The following ZAN variants were observed in gnomAD, a reference collection of about 807,000 sequenced individuals.
ZAN encodes the protein zonadhesin.
In ZAN, 260 loss-of-function variants were observed where a neutral mutation model predicts 286.2. The observed-to-expected ratio is 0.91, with a 90% CI of 0.82 to 1.01. The LOEUF (loss-of-function observed/expected upper bound fraction) is 1.01. Ranked by LOEUF, ZAN falls within the 50% of genes least tolerant of loss-of-function variation. ZAN has a pLI of 0.00. For missense variants in ZAN, 3,410 were observed against 3,639.2 expected (o/e 0.94, Z 1.62); for synonymous variants, 1,368 against 1,417.5 (o/e 0.97, Z 0.79).
chr7:100,738,562 T>C lies in ZAN; in HGVS notation c.715T>C (p.Ser239Pro). ...SGAKWTQKKG[S>P]SGKPGVGPDG... ...GGCCAAGTGGACTCAGAAGAAAGGG[T>C]CATCAGGAAAGCCAGGCGTGGGGCC... The change falls in exon 7 of 48, where the codon TCA becomes CCA. Residue 239 changes from serine to proline, a missense_variant. Physicochemically the swap from Ser to Pro is moderately conservative, Grantham distance 74. This residue lies in a region of ZAN where 872 missense variants were observed against 938.9 expected (regional missense o/e 0.93). Transcript: ENST00000613979. 6.6e-7 allele frequency: 1 copy of C among 1,515,884 alleles called. No individual in the cohort carries two copies. Among genetic ancestry groups the C allele is most frequent in the East Asian group, 2.3e-5 (1 of 43,710 alleles). 93.9% of individuals were successfully genotyped at this position (1,515,884 alleles called of 1,614,324 possible).
chr7:100,750,569 C>T, intron 11 of ZAN, 56 bp from the exon 12 acceptor site: 1 of 1,570,820 alleles, frequency 6.4e-7, no homozygotes, highest in Non-Finnish European at 8.7e-7. Context: ...GCTAAAGCAG[C>T]AGTTGGCATG....
At position 100,750,727 on chromosome 7, in the gene ZAN, A is replaced by T; in HGVS notation, c.1352A>T (p.Glu451Val). ...TGCGCCCCAGGTGACATCTGCGTGG[A>T]GTTCGCATACCACATGTATGGCCTT... ...PFCAPGDICV[E>V]FAYHMYGLGE... The change falls in exon 12 of 48, where the codon GAG becomes GTG. Residue 451 changes from glutamate (E) to valine (V), a missense_variant. By Grantham distance (121) the Glu-to-Val change is moderately radical. Coordinates refer to ENST00000613979, the MANE Select transcript of ZAN (RefSeq NM_003386.3). 6.2e-7 allele frequency: 1 copy of T among 1,613,068 alleles called. No homozygotes were observed. Among genetic ancestry groups the T allele is most frequent in the Non-Finnish European group, 8.5e-7 (1 of 1,179,584 alleles).
chr7:100,765,477 G>A lies in ZAN; in HGVS notation c.4393G>A (p.Gly1465Ser). The change falls in exon 23 of 48, where the codon GGC (glycine) becomes AGC (serine). Residue 1465 changes from glycine (G) to serine (S), a missense_variant. Gly to Ser is a moderately conservative substitution (Grantham distance 56). Around this residue, in one of 7 missense-constraint regions of ZAN, gnomAD observed 1,042 missense variants for 1,058.0 expected, o/e 0.98. Coordinates refer to ENST00000613979, the MANE Select transcript of ZAN (RefSeq NM_003386.3). ...CGTGGAGGCCTGTGAATGCAATCCG[G>A]GCTTCGTCCTCAGTGGCCTCGAGTG... ...RCVEACECNPGFVLSGLECIP... is the reference protein window; with the variant it reads ...RCVEACECNPSFVLSGLECIP... The A allele has an allele frequency of 6.2e-7, 1 of 1,613,252 alleles. No homozygotes were observed. Among genetic ancestry groups the A allele is most frequent in the South Asian group, 1.1e-5 (1 of 90,898 alleles).
Position 100,770,307 on chromosome 7 carries a change from A to G in ZAN, c.5248+333A>G, listed in dbSNP as rs113184811. Among the ~76,000 whole-genome samples the G allele has an allele frequency of 1.5e-4, 23 of 151,834 alleles. 1 individual carries two copies. Among genetic ancestry groups the G allele is most frequent in the African/African-American group, 5.3e-4 (22 of 41,452 alleles). On this transcript the variant is annotated intron_variant, in intron 28 of 47. Transcript: ENST00000613979. The stretch of plus-strand genomic sequence containing the variant: ...ATCCCGAGGTCAGGAGTTCGAGACC[A>G]GCCTGGCTAGCATGGTGAAACCCCG...
At position 100,763,888 on chromosome 7, in the gene ZAN, C is replaced by A; in HGVS notation, c.4069C>A (p.Arg1357=). The change falls in exon 21 of 48, where the codon CGG becomes AGG. Residue 1357 remains arginine, a synonymous_variant. Transcript: ENST00000613979. This position sits in a 1 kb window ranked among gnomAD's most constrained non-coding sequence, Gnocchi z 4.6. The part of the protein sequence containing the change: ...SSMSGPGFCG[R]LVDTHGPFET... Reference sequence around the variant, plus strand: ...CATGTCGGGGCCAGGGTTCTGTGGACGGCTGGTCGACACTCATGGCCCATT... The same window carrying A: ...CATGTCGGGGCCAGGGTTCTGTGGAAGGCTGGTCGACACTCATGGCCCATT... The A allele has an allele frequency of 2.5e-6, 4 of 1,614,006 alleles. No individual in the cohort carries two copies. The highest frequency in any genetic ancestry group is 3.4e-6 in the Non-Finnish European group (4 of 1,179,892).
Position 100,751,182 on chromosome 7 carries a change from C to G in ZAN, c.1522C>G (p.Leu508Val). ...CGTCTCTCTCCCTTGTCGCCTTTAG[C>G]TTATTTTCAAGGGCATCCAGGGAAG... ...VPSGHQQPMQ[L>V]IFKGIQGSNT... The change falls in exon 13 of 48, where the codon CTT (leucine) becomes GTT (valine). Residue 508 changes from leucine (L) to valine (V), a missense_variant and splice_region_variant. Leu to Val is a conservative substitution (Grantham distance 32). This residue lies in a region of ZAN where 872 missense variants were observed against 938.9 expected (regional missense o/e 0.93). Transcript: ENST00000613979. 2 of 1,601,292 alleles carry G rather than the reference C, an allele frequency of 1.2e-6. No individual in the cohort carries two copies. Among genetic ancestry groups the G allele is most frequent in the Non-Finnish European group, 8.5e-7 (1 of 1,175,400 alleles).
chr7:100,760,503 A>T lies in ZAN; in HGVS notation c.3809A>T (p.Asp1270Val). 6.2e-7 allele frequency: 1 copy of T among 1,613,886 alleles called. No homozygotes were observed. Residue 1270 changes from aspartate (D) to valine (V), a missense_variant, in exon 19 of 48, where the codon GAT (aspartate) becomes GTT (valine). This residue lies in a region of ZAN where 1,042 missense variants were observed against 1,058.0 expected (regional missense o/e 0.98). Transcript: ENST00000613979. ...GAGTTCGGTTTGCGGGTGAGATGGG[A>T]TGGTGACCAGCAGCTGTATGTTACT... is the stretch of plus-strand genomic sequence containing the variant. ...QTEFGLRVRW[D>V]GDQQLYVTVS...
At position 100,755,410 on chromosome 7, in the gene ZAN, G is replaced by A. The variant is rs557469328; in HGVS notation, c.3309G>A (p.Glu1103=). 24 of 1,612,498 alleles carry A rather than the reference G, an allele frequency of 1.5e-5. No homozygotes were observed. Among genetic ancestry groups the A allele is most frequent in the South Asian group, 1.3e-4 (12 of 90,934 alleles). ...CNCFYNNDYY[E]PGAEWFSPNC... ...GCTTCTACAACAACGACTACTATGA[G>A]GTAAGCCCCCCGGGATGCTGGGGTC... Residue 1103 remains glutamate (E), a splice_region_variant and synonymous_variant, in exon 15 of 48, where the codon GAG becomes GAA. Coordinates refer to ENST00000613979, the MANE Select transcript of ZAN (RefSeq NM_003386.3).
chr7:100,764,265 G>T (rs1245444541), intron 22 of ZAN, 69 bp downstream of exon 22: 18 of 1,432,968 alleles, frequency 1.3e-5, no homozygotes, highest in Non-Finnish European at 1.6e-5. Flanking sequence ...AGCACTTTGG[G>T]AGTCCGAGGC....
intron 24 of ZAN, 40 bp from the exon 25 acceptor site, chr7:100,766,970 T>C (rs1386399367): frequency 1.9e-6 from 3 of 1,607,814 alleles, no homozygotes; most frequent in South Asian, 1.1e-5. Context: ...TTCCGGGGCA[T>C]GGAGGAGTGA....
At chr7:100,782,556 C>T (rs1811259972) in intron 35 of ZAN, among the ~76,000 whole-genome samples, 1 of 152,156 alleles carries the variant, frequency 6.6e-6, no homozygotes, top group Non-Finnish European at 1.5e-5. Flanking sequence ...GTCTCAAACT[C>T]CTGGCCTCAA....
chr7:100,796,477 C>A (rs1016536108), intron 45 of ZAN, among the ~76,000 whole-genome samples: 2 of 139,946 alleles, frequency 1.4e-5, no homozygotes, highest in Admixed American at 8.1e-5. Context: ...AGTGCAGTGG[C>A]GTGATCTCGG....
intron 7 of ZAN, among the ~76,000 whole-genome samples, chr7:100,740,351 G>C (rs1398532458): frequency 9.2e-6 from 1 of 108,118 alleles, no homozygotes; most frequent in Non-Finnish European, 1.9e-5. Context: ...CTCACAGAGG[G>C]GGATTTGGCA....
chr7:100,779,773 C>T (rs750001122), intron 35 of ZAN, 23 bp downstream of exon 35: 31 of 1,534,690 alleles, frequency 2.0e-5, no homozygotes, highest in Non-Finnish European at 2.0e-5. Flanking sequence ...TGCTGTCACC[C>T]CAAACCCCTC....
chr7:100,790,329 G>A lies in ZAN; in HGVS notation c.7358-613G>A, dbSNP rs187418037. Among the ~76,000 whole-genome samples the A allele has an allele frequency of 1.2e-3, 180 of 152,062 alleles. 1 individual carries two copies. The highest frequency in any genetic ancestry group is 3.8e-3 in the African/African-American group (158 of 41,488). Reference sequence around the variant, plus strand: ...TGTAATCCCAGCACTTTGGGAGGCCGAGGCAGGCAGATCACGAGGTCAGGA... The same window carrying A: ...TGTAATCCCAGCACTTTGGGAGGCCAAGGCAGGCAGATCACGAGGTCAGGA... On this transcript the variant is annotated intron_variant, in intron 39 of 47. Coordinates refer to ENST00000613979, the MANE Select transcript of ZAN (RefSeq NM_003386.3).
chr7:100,776,904 T>C (rs1230235508), intron 34 of ZAN, among the ~76,000 whole-genome samples: 1 of 143,152 alleles, frequency 7.0e-6, no homozygotes, highest in African/African-American at 2.6e-5. Flanking sequence ...GGCTAATTTT[T>C]TGTATTTTTA....
rs778731214 is a variant in ZAN, at chr7:100,750,885, C to T, written c.1510C>T (p.Gln504Ter). Residue 504 changes from glutamine to a stop codon, truncating the protein, a stop_gained, in exon 12 of 48, where the codon CAG becomes TAG. Transcript: ENST00000613979. LOFTEE classifies it high-confidence loss of function. ...TSVTVPSGHQQPMQLIFKGIQ... is the reference protein window; with the variant it reads ...TSVTVPSGHQ ...CGTCACCGTCCCCTCAGGACACCAACAGCCCATGCAGGTGAGAGACGGAGG... is the reference window on the plus strand; with the variant it reads ...CGTCACCGTCCCCTCAGGACACCAATAGCCCATGCAGGTGAGAGACGGAGG... The T allele has an allele frequency of 9.7e-6, 15 of 1,546,846 alleles. No homozygotes were observed. The African/African-American group carries it at 1.8e-4, about 18-fold the overall frequency.
rs887528326 is a variant in ZAN at position 100,750,619 on chromosome 7, G to A, written c.1250-6G>A. 2 of 1,612,636 alleles carry A rather than the reference G, an allele frequency of 1.2e-6. No homozygotes were observed. The highest frequency in any genetic ancestry group is 1.7e-6 in the Non-Finnish European group (2 of 1,179,404). Reference sequence around the variant, plus strand: ...CTTACCTTGCCTGTTCCCTTCCTTTGCCTAGGGGGTCACTATATCTACCTT... The same window carrying A: ...CTTACCTTGCCTGTTCCCTTCCTTTACCTAGGGGGTCACTATATCTACCTT... On this transcript the variant is annotated splice_region_variant and splice_polypyrimidine_tract_variant and intron_variant, in intron 11 of 47. Transcript: ENST00000613979.
intron 25 of ZAN, 39 bp downstream of exon 25, chr7:100,767,296 C>A: frequency 6.3e-7 from 1 of 1,579,292 alleles, no homozygotes; most frequent in South Asian, 1.1e-5. Context: ...CCTGAACACC[C>A]AGCCTGCTTG....
Sources: allele counts gnomAD v4.1 joint callset (sites outside exome capture counted in the v4.1 genomes callset), GRCh38; gene constraint gnomAD v4.1.1; regional missense constraint gnomAD v4.1.1; non-coding constraint Gnocchi (gnomAD v3.1); transcripts MANE v1.5; gene names NCBI Gene and HGNC (gene_info 2026-07-23, HGNC 2026-07-21).